The following NEO1 variants were observed in gnomAD, a reference collection of about 807,000 sequenced individuals.
NEO1 encodes the protein neogenin 1.
NEO1 carries 63 observed loss-of-function variants against 159.7 expected under a neutral mutation model. The observed-to-expected ratio is 0.39, with a 90% CI of 0.32 to 0.49. The LOEUF (loss-of-function observed/expected upper bound fraction) is 0.49, where lower values mean the gene tolerates loss of function less well. NEO1 is among the 20% of genes least tolerant of loss of function. The probability of loss-of-function intolerance (pLI) is 0.85; values close to 1 mark genes in which losing one functional copy is unlikely to be tolerated. For synonymous variants in NEO1, 633 were observed against 662.0 expected, an observed-to-expected ratio of 0.96 and a Z score of 0.67; for missense variants, 1,615 against 1,831.0, an observed-to-expected ratio of 0.88 and a Z score of 2.15.
chr15:73,195,218 G>T (rs533485099), intron 7 of NEO1, among the ~76,000 whole-genome samples: 1 of 152,258 alleles, frequency 6.6e-6, no homozygotes, highest in African/African-American at 2.4e-5. Context: ...TATAAAGAAA[G>T]AATCTATTAT....
At chr15:73,294,379 C>A (rs543567920) in intron 26 of NEO1, among the ~76,000 whole-genome samples, 1 of 152,196 alleles carries the variant, frequency 6.6e-6, no homozygotes, top group South Asian at 2.1e-4. Context: ...TGAAACTTGC[C>A]TATTAATAGT....
Position 73,236,359 on chromosome 15 carries a change from C to G in NEO1, c.1304C>G (p.Thr435Arg), listed in dbSNP as rs367684014. The G allele has an allele frequency of 1.3e-4, 217 of 1,614,208 alleles. 2 individuals are homozygous for G. In the South Asian group the frequency reaches 2.2e-3, roughly 16 times the overall value. Residue 435 changes from threonine (T) to arginine (R), a missense_variant, in exon 8 of 29, where the codon ACG (threonine) becomes AGG (arginine). Transcript: ENST00000261908. Reference sequence around the variant, plus strand: ...ACTGACCATCTAGCACCAGCCACAACGGGACCACTGCCTTCAGCTCCTCGG... The same window carrying G: ...ACTGACCATCTAGCACCAGCCACAAGGGGACCACTGCCTTCAGCTCCTCGG... ...LIILEHAPAT[T>R]GPLPSAPRDV...
intron 9 of NEO1, among the ~76,000 whole-genome samples, chr15:73,245,119 C>CT (rs1283435836): frequency 2.0e-5 from 3 of 152,074 alleles, no homozygotes; most frequent in Non-Finnish European, 4.4e-5. Context: ...TCTCCACAGT[C>CT]TAAGATATTT....
Position 73,282,987 on chromosome 15 carries a change from C to G in NEO1, c.3286C>G (p.Pro1096Ala). 6.2e-7 allele frequency: 1 copy of G among 1,614,100 alleles called. No homozygotes were observed. The highest frequency in any genetic ancestry group is 8.5e-7 in the Non-Finnish European group (1 of 1,180,008). Residue 1096 changes from proline (P) to alanine (A), a missense_variant, in exon 23 of 29, where the codon CCC becomes GCC. Coordinates refer to ENST00000261908, the MANE Select transcript of NEO1 (RefSeq NM_002499.4). Reference sequence around the variant, plus strand: ...AGGCAGTAACAGCCCTCATGGGAGCCCCACCTCTCCTCTGGACAGTAATAT... The same window carrying G: ...AGGCAGTAACAGCCCTCATGGGAGCGCCACCTCTCCTCTGGACAGTAATAT... ...MSGSNSPHGS[P>A]TSPLDSNMLL...
intron 2 of NEO1, among the ~76,000 whole-genome samples, chr15:73,120,093 G>A (rs2071549052): frequency 1.3e-5 from 2 of 151,994 alleles, no homozygotes; most frequent in Non-Finnish European, 2.9e-5. Context: ...CCAAGATTGT[G>A]CCACTGCACT....
chr15:73,090,921 G>A (rs1422147483), intron 1 of NEO1, among the ~76,000 whole-genome samples: 8 of 152,246 alleles, frequency 5.3e-5, no homozygotes, highest in Non-Finnish European at 8.8e-5. Flanking sequence ...TGGTTTGCAT[G>A]TGTAATAGAC....
chr15:73,270,590 A>G (rs2041123169), intron 18 of NEO1, 136 bp downstream of exon 18: 2 of 979,870 alleles, frequency 2.0e-6, no homozygotes, highest in Non-Finnish European at 2.9e-6. Flanking sequence ...TCAGCTGACA[A>G]GTTGTGTGTT....
chr15:73,190,638 T>G (rs1198519641), intron 7 of NEO1, among the ~76,000 whole-genome samples: 2 of 152,182 alleles, frequency 1.3e-5, no homozygotes, highest in African/African-American at 4.8e-5. Context: ...AGTGGAATAT[T>G]TTAATTTCAA....
intron 7 of NEO1, among the ~76,000 whole-genome samples, chr15:73,216,736 G>T (rs933062139): frequency 6.6e-6 from 1 of 152,118 alleles, no homozygotes; most frequent in Admixed American, 6.6e-5. Flanking sequence ...GTCTTCTTTT[G>T]AGAAGTGTCT....
At chr15:73,081,614 C>T (rs1484831560) in intron 1 of NEO1, among the ~76,000 whole-genome samples, 2 of 151,822 alleles carry the variant, frequency 1.3e-5, no homozygotes, top group African/African-American at 4.8e-5. Context: ...GACTCACTGT[C>T]ACCCAGACTG....
At chr15:73,171,630 T>TTATTAC (rs1277208828) in intron 5 of NEO1, among the ~76,000 whole-genome samples, 2 of 146,808 alleles carry the variant, frequency 1.4e-5, no homozygotes, top group African/African-American at 4.9e-5. Context: ...ATTATTATTA[T>TTATTAC]TATTATTATT....
chr15:73,289,270 A>G, intron 25 of NEO1, 32 bp downstream of exon 25: 1 of 1,572,422 alleles, frequency 6.4e-7, no homozygotes. Flanking sequence ...CCTCAGTGCT[A>G]CCAATCTGTT....
At chr15:73,064,387 T>G (rs911312723) in intron 1 of NEO1, among the ~76,000 whole-genome samples, 2 of 152,196 alleles carry the variant, frequency 1.3e-5, no homozygotes, top group Non-Finnish European at 2.9e-5. Flanking sequence ...TCTCTTTGTC[T>G]CTCTCATTCT....
At chr15:73,151,152 T>C (rs2151835187) in intron 5 of NEO1, among the ~76,000 whole-genome samples, 1 of 152,320 alleles carries the variant, frequency 6.6e-6, no homozygotes, top group South Asian at 2.1e-4. Flanking sequence ...CTGGTAGGTG[T>C]ATAGTAGCAT....
At chr15:73,150,931 G>T (rs1283554046) in intron 5 of NEO1, among the ~76,000 whole-genome samples, 3 of 152,162 alleles carry the variant, frequency 2.0e-5, no homozygotes, top group Non-Finnish European at 4.4e-5. Flanking sequence ...CTTTCACAAA[G>T]CATAACGTAT....
At chr15:73,268,502 A>G (rs997771047) in intron 16 of NEO1, among the ~76,000 whole-genome samples, 2 of 152,228 alleles carry the variant, frequency 1.3e-5, no homozygotes, top group Non-Finnish European at 2.9e-5. Context: ...ACTTTGAACA[A>G]AGCTCTTGGT....
chr15:73,258,826 G>A lies in NEO1; in HGVS notation c.2153G>A (p.Gly718Asp). ...RVAALTINGT[G>D]PATDWLSAET... is the part of the protein sequence containing the mutation. ...GCTGCTCTAACAATCAATGGTACAG[G>A]CCCGGCAACTGACTGGCTGTCTGCT... The change falls in exon 14 of 29, where the codon GGC becomes GAC. Residue 718 changes from glycine to aspartate, a missense_variant. Physicochemically the swap from Gly to Asp is moderately conservative, Grantham distance 94. This residue lies in a region of NEO1 where 1,018 missense variants were observed against 1,115.4 expected (regional missense o/e 0.91). Coordinates refer to ENST00000261908, the MANE Select transcript of NEO1 (RefSeq NM_002499.4). The A allele has an allele frequency of 6.2e-7, 1 of 1,613,920 alleles. No individual in the cohort carries two copies. Among genetic ancestry groups the A allele is most frequent in the Non-Finnish European group, 8.5e-7 (1 of 1,179,890 alleles).
intron 7 of NEO1, among the ~76,000 whole-genome samples, chr15:73,211,897 C>G (rs1357975186): frequency 6.6e-6 from 1 of 152,194 alleles, no homozygotes; most frequent in African/African-American, 2.4e-5. Context: ...CTGCCATACC[C>G]TTGACACTTT....
In NEO1 at chr15:73,244,356, G is replaced by A. The variant is rs763544521; in HGVS notation, c.1464G>A (p.Glu488=). 1.2e-6 allele frequency: 2 copies of A among 1,613,128 alleles called. No individual in the cohort carries two copies. Among genetic ancestry groups the A allele is most frequent in the Non-Finnish European group, 1.7e-6 (2 of 1,179,454 alleles). ...CCTTTGTCTAAAGGGAACGTGTTGA[G>A]AATACCAGTCACCCAGGAGAGATGC... The part of the protein sequence containing the change: ...TKEGIARERV[E]NTSHPGEMQV... The change falls in exon 9 of 29, where the codon GAG becomes GAA. Residue 488 remains glutamate (E), a synonymous_variant. Coordinates refer to ENST00000261908, the MANE Select transcript of NEO1 (RefSeq NM_002499.4).
Sources: allele counts gnomAD v4.1 joint callset (sites outside exome capture counted in the v4.1 genomes callset), GRCh38; gene constraint gnomAD v4.1.1; regional missense constraint gnomAD v4.1.1; transcripts MANE v1.5; gene names NCBI Gene and HGNC (gene_info 2026-07-23, HGNC 2026-07-21).